ARHGEF3: variants seen among roughly 807,000 people sequenced by gnomAD.
ARHGEF3 encodes the protein 59.8 kDA protein.
ARHGEF3 carries 28 observed loss-of-function variants against 63.2 expected under a neutral mutation model. The ratio of observed to expected loss-of-function variants is 0.44; its 90% CI spans 0.33 to 0.61. The LOEUF (loss-of-function observed/expected upper bound fraction) is 0.61, where lower values mean the gene tolerates loss of function less well. ARHGEF3 is among the 20% of genes least tolerant of loss of function. ARHGEF3 has a pLI of 0.03. For synonymous variants in ARHGEF3, 266 were observed against 254.2 expected, an observed-to-expected ratio of 1.05 and a Z score of -0.44; for missense variants, 533 against 659.3, an observed-to-expected ratio of 0.81 and a Z score of 2.10.
chr3:56,916,397 C>T, intron 3 of ARHGEF3: 2 of 1,528,520 alleles, frequency 1.3e-6, no homozygotes, highest in Non-Finnish European at 1.7e-6. Flanking sequence ...CAGTGGAGCC[C>T]TGTGCACAGG....
chr3:56,765,570 C>G (rs1332721084), intron 2 of ARHGEF3, among the ~76,000 whole-genome samples: 1 of 152,148 alleles, frequency 6.6e-6, no homozygotes, highest in Non-Finnish European at 1.5e-5. Context: ...AGCACATATG[C>G]TTGGGTAATT....
chr3:56,825,126 G>T (rs1243027614), intron 4 of ARHGEF3, among the ~76,000 whole-genome samples: 1 of 152,170 alleles, frequency 6.6e-6, no homozygotes, highest in Non-Finnish European at 1.5e-5. Context: ...CCTATAAAAT[G>T]GGGATGAAAA....
At chr3:56,935,657 C>T (rs185468779) in intron 3 of ARHGEF3, among the ~76,000 whole-genome samples, 62 of 152,098 alleles carry the variant, frequency 4.1e-4, no homozygotes, top group African/African-American at 1.5e-3. Context: ...TGCAGCTTCA[C>T]TCCTGAGCCA....
At chr3:56,918,430 CTGAA>C (rs1420515487) in intron 3 of ARHGEF3, among the ~76,000 whole-genome samples, 2 of 152,204 alleles carry the variant, frequency 1.3e-5, no homozygotes, top group Non-Finnish European at 2.9e-5. Context: ...CGGCTGCTGA[CTGAA>C]TGGGAAAGAA....
chr3:56,935,192 G>C (rs1211901291), intron 3 of ARHGEF3, among the ~76,000 whole-genome samples: 1 of 152,064 alleles, frequency 6.6e-6, no homozygotes, highest in South Asian at 2.1e-4. Context: ...TGCACCAATC[G>C]ACACTCTGTA....
chr3:56,996,830 G>C (rs1276021995), intron 2 of ARHGEF3, among the ~76,000 whole-genome samples: 1 of 151,364 alleles, frequency 6.6e-6, no homozygotes, highest in Non-Finnish European at 1.5e-5. Flanking sequence ...GTACAGCTTT[G>C]AACGTGGCCC....
intron 2 of ARHGEF3, among the ~76,000 whole-genome samples, chr3:56,967,014 C>T (rs1273953266): frequency 6.7e-6 from 1 of 150,332 alleles, no homozygotes; most frequent in Non-Finnish European, 1.5e-5. Flanking sequence ...CAGGCATGCG[C>T]CACCATGCCC....
intron 4 of ARHGEF3, among the ~76,000 whole-genome samples, chr3:56,809,005 G>A (rs1360463028): frequency 6.6e-6 from 1 of 152,168 alleles, no homozygotes; most frequent in East Asian, 1.9e-4. Context: ...GAATCTGTGG[G>A]TATTGACCTC....
At chr3:56,792,113 AAAAAG>A (rs373883575) in intron 1 of ARHGEF3, among the ~76,000 whole-genome samples, 2,198 of 139,962 alleles carry the variant, frequency 0.016, 76 homozygotes, top group East Asian at 0.11. Context: ...CAAAAAAAAA[AAAAAG>A]AAAAGAAAAG....
At chr3:56,940,843 G>A (rs1408906610) in intron 3 of ARHGEF3, 1 of 152,154 alleles carries the variant, frequency 6.6e-6, no homozygotes, top group Non-Finnish European at 1.5e-5. Flanking sequence ...TAATTACTAA[G>A]TCTCTGGTTT....
At chr3:57,064,209 CA>C (rs1453338754) in intron 1 of ARHGEF3, among the ~76,000 whole-genome samples, 16 of 152,152 alleles carry the variant, frequency 1.1e-4, no homozygotes, top group Admixed American at 1.0e-3. Context: ...GTAGAGGTTG[CA>C]GTGAGCTGAG....
chr3:57,039,063 C>T (rs576300813), intron 1 of ARHGEF3, among the ~76,000 whole-genome samples: 19 of 152,240 alleles, frequency 1.2e-4, no homozygotes, highest in South Asian at 1.2e-3. Flanking sequence ...TGGAAAGTTT[C>T]GTGTTAATCT....
chr3:56,824,253 C>G (rs2038630116), intron 4 of ARHGEF3, among the ~76,000 whole-genome samples: 1 of 152,146 alleles, frequency 6.6e-6, no homozygotes, highest in Non-Finnish European at 1.5e-5. Flanking sequence ...AAGATGTTTA[C>G]AAAATGTCAG....
rs79065144 is a variant in ARHGEF3 at position 57,063,024 on chromosome 3, T to G, written c.-28+16202A>C. On this transcript the variant is annotated intron_variant, in intron 1 of 12. Transcript: ENST00000338458. ...ACGATAGTGTAAGGAGAAAAAGCAATGAAGGCAAAGGGGAAGTTGGGATGC... is the reference window on the plus strand; with the variant it reads ...ACGATAGTGTAAGGAGAAAAAGCAAGGAAGGCAAAGGGGAAGTTGGGATGC... Among the ~76,000 whole-genome samples the G allele has an allele frequency of 9.7e-3, 1,482 of 152,094 alleles. 41 individuals carry two copies. Among genetic ancestry groups the G allele is most frequent in the African/African-American group, 0.034 (1,409 of 41,480 alleles).
At chr3:56,944,576 T>TTTTTC (rs1699373629) in intron 3 of ARHGEF3, among the ~76,000 whole-genome samples, 1 of 143,078 alleles carries the variant, frequency 7.0e-6, no homozygotes, top group Non-Finnish European at 1.5e-5. Flanking sequence ...TTCTTTTTTT[T>TTTTTC]TTTTTTTTTT....
rs75261388 is a variant in ARHGEF3 at position 56,999,784 on chromosome 3, G to T, written c.62+35304C>A. ...TACACTCCAGCCTTGGAAAAAGAGT[G>T]AGACCTCATCCCCAAAACAAGAAAA... On this transcript the variant is annotated intron_variant, in intron 2 of 12. Transcript: ENST00000338458. 5.9e-5 allele frequency among the ~76,000 whole-genome samples: 9 copies of T among 152,302 alleles called. No homozygotes were observed. The East Asian group carries it at 1.7e-3, about 29-fold the overall frequency.
At chr3:56,906,368 C>T (rs1013580404) in intron 3 of ARHGEF3, among the ~76,000 whole-genome samples, 13 of 152,128 alleles carry the variant, frequency 8.5e-5, no homozygotes, top group Non-Finnish European at 1.3e-4. Flanking sequence ...TCTGTGGATC[C>T]GCAGTGTCCG....
intron 1 of ARHGEF3, among the ~76,000 whole-genome samples, chr3:56,795,200 C>T (rs1017520379): frequency 1.3e-5 from 2 of 152,044 alleles, no homozygotes; most frequent in East Asian, 3.8e-4. Flanking sequence ...ATACAGAGGG[C>T]CAACTGTATA....
intron 4 of ARHGEF3, among the ~76,000 whole-genome samples, chr3:56,808,616 A>AT (rs2037951387): frequency 6.6e-6 from 1 of 150,904 alleles, no homozygotes; most frequent in South Asian, 2.1e-4. Flanking sequence ...TAAAATAAAA[A>AT]TAAAAAATTA....
Sources: gnomAD v4.1 joint callset for allele counts (sites outside exome capture counted in the v4.1 genomes callset) on GRCh38, gnomAD v4.1.1 for gene constraint, MANE v1.5 for transcripts, NCBI Gene and HGNC (gene_info 2026-07-23, HGNC 2026-07-21) for gene names.